Variants in RRS1 observed in about 807,000 individuals in gnomAD.
RRS1 encodes ribosome biogenesis regulatory protein homolog.
Under a neutral mutation model 23.1 loss-of-function variants are expected in RRS1, and 10 were observed. That is an observed-to-expected ratio of 0.43 (90% CI 0.27 to 0.74). The LOEUF is 0.74. RRS1 is among the 30% of genes least tolerant of loss of function. The pLI, the probability that RRS1 is intolerant of heterozygous loss-of-function variation, is 0.19. For synonymous variants in RRS1, 198 were observed against 207.7 expected, an observed-to-expected ratio of 0.95 and a Z score of 0.40; for missense variants, 485 against 484.3, an observed-to-expected ratio of 1.00 and a Z score of -0.01.
rs1182281678 is a variant in RRS1, at chr8:66,430,024, A to G, written c.893A>G (p.Glu298Gly). Residue 298 changes from glutamate (E) to glycine (G), a missense_variant, in exon 1 of 1, where the codon GAG becomes GGG. Transcript: ENST00000320270. ...AAGCAGATGAGGGAGGAGGACCAGG[A>G]GGAGGCCGCCAAGAGGAGGAAAATG... ...TNKQMREEDQEEAAKRRKMSQ... is the reference protein window; with the variant it reads ...TNKQMREEDQGEAAKRRKMSQ... The G allele has an allele frequency of 1.2e-6, 2 of 1,611,374 alleles. No individual in the cohort carries two copies. The highest frequency in any genetic ancestry group is 2.7e-5 in the African/African-American group (2 of 74,594).
rs764563738 is a variant in RRS1, at chr8:66,430,168, C to G, written c.1037C>G (p.Pro346Arg). 3.7e-6 allele frequency: 6 copies of G among 1,614,030 alleles called. No individual in the cohort carries two copies. In the East Asian group the frequency reaches 1.3e-4, roughly 36 times the overall value. ...GGLGGKMNSG[P>R]PGLGGKRKGG... is the part of the protein sequence containing the mutation. ...TTGGGAGGCAAGATGAATTCTGGGC[C>G]GCCTGGCTTGGGTGGCAAGAGAAAA... Residue 346 changes from proline to arginine, a missense_variant, in exon 1 of 1, where the codon CCG (proline) becomes CGG (arginine). Coordinates refer to ENST00000320270, the MANE Select transcript of RRS1 (RefSeq NM_015169.4).
In RRS1 at chr8:66,429,424, G is replaced by A. The variant is rs753741684; in HGVS notation, c.293G>A (p.Arg98His). ...IVARLPEPTT[R>H]LPREKPLPRP... ...GCGCGGCTGCCGGAGCCCACCACACGCCTGCCGCGAGAGAAGCCTCTGCCC... is the reference window on the plus strand; with the variant it reads ...GCGCGGCTGCCGGAGCCCACCACACACCTGCCGCGAGAGAAGCCTCTGCCC... Residue 98 changes from arginine (R) to histidine (H), a missense_variant, in exon 1 of 1, where the codon CGC becomes CAC. Transcript: ENST00000320270. The surrounding 1 kb of genome is among the most constrained non-coding windows in gnomAD (Gnocchi z 5.1). The A allele has an allele frequency of 1.0e-5, 16 of 1,551,694 alleles. No homozygotes were observed. The East Asian group carries it at 1.5e-4, about 14-fold the overall frequency.
Position 66,430,161 on chromosome 8 carries a change from T to C in RRS1, c.1030T>C (p.Ser344Pro). The change falls in exon 1 of 1, where the codon TCT (serine) becomes CCT (proline). Residue 344 changes from serine (S) to proline (P), a missense_variant. Physicochemically the swap from Ser to Pro is moderately conservative, Grantham distance 74. Coordinates refer to ENST00000320270, the MANE Select transcript of RRS1 (RefSeq NM_015169.4). ...AGGGGGCTTGGGAGGCAAGATGAAT[T>C]CTGGGCCGCCTGGCTTGGGTGGCAA... is the stretch of plus-strand genomic sequence containing the variant. ...RKGGLGGKMN[S>P]GPPGLGGKRK... 9.9e-6 allele frequency: 16 copies of C among 1,613,860 alleles called. No individual in the cohort carries two copies. Among genetic ancestry groups the C allele is most frequent in the Non-Finnish European group, 1.4e-5 (16 of 1,179,940 alleles).
In RRS1 at chr8:66,430,176, T is replaced by G. The variant is rs1314228482; in HGVS notation, c.1045T>G (p.Leu349Val). ...GGKMNSGPPG[L>V]GGKRKGGQRP... ...CAAGATGAATTCTGGGCCGCCTGGC[T>G]TGGGTGGCAAGAGAAAAGGAGGACA... is the stretch of plus-strand genomic sequence containing the variant. The change falls in exon 1 of 1, where the codon TTG (leucine) becomes GTG (valine). Residue 349 changes from leucine (L) to valine (V), a missense_variant. Physicochemically the swap from Leu to Val is conservative, Grantham distance 32. Transcript: ENST00000320270. 1.1e-5 allele frequency: 18 copies of G among 1,614,068 alleles called. No homozygotes were observed. Among genetic ancestry groups the G allele is most frequent in the Non-Finnish European group, 1.4e-5 (16 of 1,179,998 alleles).
rs756651024 is a variant in RRS1 at position 66,430,356 on chromosome 8, T to G, written c.*127T>G. The G allele has an allele frequency of 2.2e-4, 223 of 1,020,322 alleles. No homozygotes were observed. The highest frequency in any genetic ancestry group is 3.1e-4 in the Non-Finnish European group (215 of 684,920). The allele number at this position is 1,020,322 out of a possible 1,614,324, so 63.2% of individuals were successfully genotyped here. ...CTTCATTGAGTTTAAAGGGACAGGA[T>G]TGCCCTTCCGTCAAGAAAGTATGTA... On this transcript the variant is annotated 3_prime_UTR_variant, in exon 1 of 1. Coordinates refer to ENST00000320270, the MANE Select transcript of RRS1 (RefSeq NM_015169.4).
At position 66,430,031 on chromosome 8, in the gene RRS1, C is replaced by G. The variant is rs763204544; in HGVS notation, c.900C>G (p.Ala300=). The change falls in exon 1 of 1, where the codon GCC becomes GCG. Residue 300 remains alanine, a synonymous_variant. Coordinates refer to ENST00000320270, the MANE Select transcript of RRS1 (RefSeq NM_015169.4). ...TGAGGGAGGAGGACCAGGAGGAGGC[C>G]GCCAAGAGGAGGAAAATGAGCCAGA... ...KQMREEDQEE[A]AKRRKMSQKG... 1 of 1,610,416 alleles carries G rather than the reference C, an allele frequency of 6.2e-7. No individual in the cohort carries two copies. The highest frequency in any genetic ancestry group is 1.7e-5 in the Admixed American group (1 of 59,186).
At position 66,429,501 on chromosome 8, in the gene RRS1, C is replaced by G; in HGVS notation, c.370C>G (p.Arg124Gly). The change falls in exon 1 of 1, where the codon CGT becomes GGT. Residue 124 changes from arginine to glycine, a missense_variant. Transcript: ENST00000320270. This position sits in a 1 kb window ranked among gnomAD's most constrained non-coding sequence, Gnocchi z 5.1. ...WQQFARLKGI[R>G]PKKKTNLVWD... ...GCAGTTCGCGCGCCTCAAGGGCATCCGTCCCAAGAAGAAGACCAACCTGGT... is the reference window on the plus strand; with the variant it reads ...GCAGTTCGCGCGCCTCAAGGGCATCGGTCCCAAGAAGAAGACCAACCTGGT... 1 of 1,603,486 alleles carries G rather than the reference C, an allele frequency of 6.2e-7. No individual in the cohort carries two copies.
At position 66,429,775 on chromosome 8, in the gene RRS1, A is replaced by G; in HGVS notation, c.644A>G (p.Lys215Arg). ...AGLHPTGHQS[K>R]EELGRAMQVA... Reference sequence around the variant, plus strand: ...TTGCACCCTACCGGACACCAGAGTAAGGAGGAGCTGGGCCGCGCCATGCAA... The same window carrying G: ...TTGCACCCTACCGGACACCAGAGTAGGGAGGAGCTGGGCCGCGCCATGCAA... Residue 215 changes from lysine to arginine, a missense_variant, in exon 1 of 1, where the codon AAG becomes AGG. By Grantham distance (26) the Lys-to-Arg change is conservative. Transcript: ENST00000320270. The surrounding 1 kb of genome is among the most constrained non-coding windows in gnomAD (Gnocchi z 5.1). The G allele has an allele frequency of 6.2e-7, 1 of 1,612,830 alleles. No individual in the cohort carries two copies. Among genetic ancestry groups the G allele is most frequent in the Non-Finnish European group, 8.5e-7 (1 of 1,180,000 alleles).
chr8:66,429,067 G>A lies in RRS1; in HGVS notation c.-65G>A. 1 of 1,534,972 alleles carries A rather than the reference G, an allele frequency of 6.5e-7. No individual in the cohort carries two copies. Among genetic ancestry groups the A allele is most frequent in the Non-Finnish European group, 8.8e-7 (1 of 1,139,258 alleles). ...GCACGTGGTTATGCTGCCGGAGTTT[G>A]GGCCGCCACTGTAGGAAAAGTAACT... On this transcript the variant is annotated 5_prime_UTR_variant, in exon 1 of 1. Transcript: ENST00000320270. The surrounding 1 kb of genome is among the most constrained non-coding windows in gnomAD (Gnocchi z 5.1).
chr8:66,429,378 C>G lies in RRS1; in HGVS notation c.247C>G (p.Arg83Gly), dbSNP rs1805171851. The part of the protein sequence containing the change: ...INQLWQLPTE[R>G]VEEAIVARLP... Reference sequence around the variant, plus strand: ...CCAGCTGTGGCAGCTGCCCACGGAGCGCGTGGAAGAGGCGATAGTGGCGCG... The same window carrying G: ...CCAGCTGTGGCAGCTGCCCACGGAGGGCGTGGAAGAGGCGATAGTGGCGCG... Residue 83 changes from arginine (R) to glycine (G), a missense_variant, in exon 1 of 1, where the codon CGC becomes GGC. Transcript: ENST00000320270. The surrounding 1 kb of genome is among the most constrained non-coding windows in gnomAD (Gnocchi z 5.1). The G allele has an allele frequency of 1.9e-6, 3 of 1,550,158 alleles. No homozygotes were observed. Among genetic ancestry groups the G allele is most frequent in the African/African-American group, 1.4e-5 (1 of 73,022 alleles).
Position 66,430,147 on chromosome 8 carries a change from G to A in RRS1, c.1016G>A (p.Gly339Glu), listed in dbSNP as rs1805195767. 6.2e-7 allele frequency: 1 copy of A among 1,614,026 alleles called. No homozygotes were observed. Among genetic ancestry groups the A allele is most frequent in the South Asian group, 1.1e-5 (1 of 91,090 alleles). Residue 339 changes from glycine (G) to glutamate (E), a missense_variant, in exon 1 of 1, where the codon GGA becomes GAA. Physicochemically the swap from Gly to Glu is moderately conservative, Grantham distance 98. Transcript: ENST00000320270. ...SQGGKRKGGL[G>E]GKMNSGPPGL... Reference sequence around the variant, plus strand: ...GGAGGGAAGAGGAAAGGGGGCTTGGGAGGCAAGATGAATTCTGGGCCGCCT... The same window carrying A: ...GGAGGGAAGAGGAAAGGGGGCTTGGAAGGCAAGATGAATTCTGGGCCGCCT...
In RRS1 at chr8:66,430,604, TACA is replaced by T. The variant is rs768203797; in HGVS notation, c.*380_*382del. Reference sequence around the variant, plus strand: ...GACGTATATGTTTCTGCATTATTTTTACAACAAGTTTGTGTATCAGAGCGGGAG... The same window carrying T: ...GACGTATATGTTTCTGCATTATTTTTACAAGTTTGTGTATCAGAGCGGGAG... On this transcript the variant is annotated 3_prime_UTR_variant, in exon 1 of 1. Transcript: ENST00000320270. 5.6e-5 allele frequency: 12 copies of T among 212,704 alleles called. No individual in the cohort carries two copies. The highest frequency in any genetic ancestry group is 2.7e-4 in the East Asian group (2 of 7,384). 13.2% of individuals were successfully genotyped at this position (212,704 alleles called of 1,614,324 possible).
rs1163624580 is a variant in RRS1 at position 66,429,700 on chromosome 8, T to G, written c.569T>G (p.Leu190Arg). 1 of 1,612,946 alleles carries G rather than the reference T, an allele frequency of 6.2e-7. No homozygotes were observed. Among genetic ancestry groups the G allele is most frequent in the South Asian group, 1.1e-5 (1 of 91,084 alleles). Residue 190 changes from leucine (L) to arginine (R), a missense_variant, in exon 1 of 1, where the codon CTG (leucine) becomes CGG (arginine). By Grantham distance (102) the Leu-to-Arg change is moderately radical. Transcript: ENST00000320270. This position sits in a 1 kb window ranked among gnomAD's most constrained non-coding sequence, Gnocchi z 5.1. ...ERVAKNELNR[L>R]RNLARAHKMQ... ...GTGGCCAAGAACGAGCTGAACCGGC[T>G]GCGTAACCTGGCCCGCGCGCACAAG...
At position 66,429,105 on chromosome 8, in the gene RRS1, C is replaced by T; in HGVS notation, c.-27C>T. On this transcript the variant is annotated 5_prime_UTR_variant, in exon 1 of 1. Transcript: ENST00000320270. This position sits in a 1 kb window ranked among gnomAD's most constrained non-coding sequence, Gnocchi z 5.1. ...AGGAAAAGTAACTTCAGCTGCAGCC[C>T]CAAAGCGAGTGAGCCGAGCCGGAGC... 4 of 1,584,840 alleles carry T rather than the reference C, an allele frequency of 2.5e-6. No individual in the cohort carries two copies. Among genetic ancestry groups the T allele is most frequent in the Non-Finnish European group, 3.4e-6 (4 of 1,162,392 alleles).
Position 66,429,497 on chromosome 8 carries a change from C to T in RRS1, c.366C>T (p.Gly122=). ...TRWQQFARLK[G]IRPKKKTNLV... ...GGCAGCAGTTCGCGCGCCTCAAGGG[C>T]ATCCGTCCCAAGAAGAAGACCAACC... Residue 122 remains glycine (G), a synonymous_variant, in exon 1 of 1, where the codon GGC becomes GGT. Transcript: ENST00000320270. The surrounding 1 kb of genome is among the most constrained non-coding windows in gnomAD (Gnocchi z 5.1). 6.2e-7 allele frequency: 1 copy of T among 1,600,474 alleles called. No individual in the cohort carries two copies. The highest frequency in any genetic ancestry group is 1.1e-5 in the South Asian group (1 of 89,928).
Position 66,429,626 on chromosome 8 carries a change from C to G in RRS1, c.495C>G (p.Asp165Glu). Residue 165 changes from aspartate to glutamate, a missense_variant, in exon 1 of 1, where the codon GAC becomes GAG. Transcript: ENST00000320270. This position sits in a 1 kb window ranked among gnomAD's most constrained non-coding sequence, Gnocchi z 5.1. ...TGATTGAGGTGCCCGGCAATGCCGA[C>G]CCCTTGGAGGACCAGTTCGCCAAGC... ...EWLIEVPGNA[D>E]PLEDQFAKRI... 1 of 1,613,228 alleles carries G rather than the reference C, an allele frequency of 6.2e-7. No homozygotes were observed. Among genetic ancestry groups the G allele is most frequent in the East Asian group, 2.2e-5 (1 of 44,852 alleles).
rs749044838 is a variant in RRS1, at chr8:66,429,271, C to A, written c.140C>A (p.Pro47Gln). Reference sequence around the variant, plus strand: ...CTGCTGGCGTCGGACCGGAACCCCCCGACCGGGCTGCGGTGCGCCGGACCC... The same window carrying A: ...CTGCTGGCGTCGGACCGGAACCCCCAGACCGGGCTGCGGTGCGCCGGACCC... Reference protein sequence around the residue: ...GNLLASDRNPPTGLRCAGPTP... With the variant: ...GNLLASDRNPQTGLRCAGPTP... Residue 47 changes from proline to glutamine, a missense_variant, in exon 1 of 1, where the codon CCG becomes CAG. Transcript: ENST00000320270. The surrounding 1 kb of genome is among the most constrained non-coding windows in gnomAD (Gnocchi z 5.1). 6 of 1,582,732 alleles carry A rather than the reference C, an allele frequency of 3.8e-6. No homozygotes were observed. The highest frequency in any genetic ancestry group is 5.2e-6 in the Non-Finnish European group (6 of 1,164,596).
Position 66,430,301 on chromosome 8 carries a change from T to A in RRS1, c.*72T>A, listed in dbSNP as rs1805200194. On this transcript the variant is annotated 3_prime_UTR_variant, in exon 1 of 1. Transcript: ENST00000320270. ...CTAAATGTTAAGTTCTAGGCAATTA[T>A]ACGGGGACTCAGAAGGACCTGGCCG... 7 of 1,524,928 alleles carry A rather than the reference T, an allele frequency of 4.6e-6. No individual in the cohort carries two copies. The highest frequency in any genetic ancestry group is 6.3e-6 in the Non-Finnish European group (7 of 1,118,600). The allele number at this position is 1,524,928 out of a possible 1,614,324, so 94.5% of individuals were successfully genotyped here.
Position 66,429,841 on chromosome 8 carries a change from A to G in RRS1, c.710A>G (p.Glu237Gly), listed in dbSNP as rs1805186419. Residue 237 changes from glutamate to glycine, a missense_variant, in exon 1 of 1, where the codon GAG becomes GGG. Transcript: ENST00000320270. The surrounding 1 kb of genome is among the most constrained non-coding windows in gnomAD (Gnocchi z 5.1). ...VSTASVGRFQERLPKEKVPRG... is the reference protein window; with the variant it reads ...VSTASVGRFQGRLPKEKVPRG... The stretch of plus-strand genomic sequence containing the variant: ...ACCGCCTCTGTGGGGCGCTTTCAGG[A>G]GCGCCTCCCCAAGGAGAAGGTGCCC... 6.2e-7 allele frequency: 1 copy of G among 1,613,372 alleles called. No homozygotes were observed. Among genetic ancestry groups the G allele is most frequent in the South Asian group, 1.1e-5 (1 of 91,074 alleles).
Sources: allele counts gnomAD v4.1 joint callset, GRCh38; gene constraint gnomAD v4.1.1; non-coding constraint Gnocchi (gnomAD v3.1); transcripts MANE v1.5; gene names NCBI Gene and HGNC (gene_info 2026-07-23, HGNC 2026-07-21).